The following CHCHD6 variants were observed in gnomAD, a reference collection of about 807,000 sequenced individuals.
The protein encoded by CHCHD6 is MICOS complex subunit MIC25.
A neutral mutation model predicts 32.3 loss-of-function variants in CHCHD6; 28 were observed. The ratio of observed to expected loss-of-function variants is 0.87; its 90% confidence interval spans 0.64 to 1.19. The LOEUF is 1.19. Ranked by LOEUF, CHCHD6 falls within the 50% of genes most tolerant of loss-of-function variation. The pLI is 0.00. For synonymous variants in CHCHD6, 122 were observed against 117.5 expected (o/e 1.04, Z -0.25); for missense variants, 333 against 307.0 (o/e 1.08, Z -0.63).
chr3:126,847,222 G>A (rs148099370), intron 4 of CHCHD6, among the ~76,000 whole-genome samples: 18 of 152,224 alleles, frequency 1.2e-4, no homozygotes, highest in Non-Finnish European at 1.9e-4. Flanking sequence ...GGTATCTGCC[G>A]GGGCTGCTAT....
At chr3:126,902,275 C>T (rs532301441) in intron 5 of CHCHD6, among the ~76,000 whole-genome samples, 3 of 152,264 alleles carry the variant, frequency 2.0e-5, no homozygotes, top group Admixed American at 1.3e-4. Context: ...TGCCAGTGCA[C>T]GGCCAGGGTT....
rs879686310 is a variant in CHCHD6, at chr3:126,881,445, C to A, written c.495+28715C>A. Among the ~76,000 whole-genome samples the A allele has an allele frequency of 2.0e-5, 3 of 152,334 alleles. No homozygotes were observed. In the East Asian group the frequency reaches 5.8e-4, roughly 29 times the overall value. ...CTCCTGGCTACTCGCCCCAAGCCCC[C>A]CATTGAGCAGGGCCCTATGTGTGTT... On this transcript the variant is annotated intron_variant, in intron 5 of 7. Coordinates refer to ENST00000290913, the MANE Select transcript of CHCHD6 (RefSeq NM_032343.3).
At chr3:126,759,758 T>A (rs1553730138) in intron 4 of CHCHD6, among the ~76,000 whole-genome samples, 1 of 152,136 alleles carries the variant, frequency 6.6e-6, no homozygotes, top group Non-Finnish European at 1.5e-5. Flanking sequence ...TTGGTTAAGG[T>A]GGTTTATACC....
chr3:126,816,017 C>A (rs763877424), intron 4 of CHCHD6, among the ~76,000 whole-genome samples: 3 of 152,142 alleles, frequency 2.0e-5, no homozygotes, highest in African/African-American at 7.2e-5. Flanking sequence ...CTATTGACAT[C>A]CATTCAGATG....
intron 4 of CHCHD6, among the ~76,000 whole-genome samples, chr3:126,781,080 C>T (rs191289864): frequency 6.6e-6 from 1 of 152,294 alleles, no homozygotes; most frequent in African/African-American, 2.4e-5. Context: ...CATGGTTTCA[C>T]TAGATTGGGC....
intron 4 of CHCHD6, among the ~76,000 whole-genome samples, chr3:126,836,098 A>G (rs111950391): frequency 0.011 from 1,629 of 152,326 alleles, 32 homozygotes; most frequent in African/African-American, 0.035. Context: ...TCATATCGCT[A>G]TCTTGCTCAG....
intron 4 of CHCHD6, among the ~76,000 whole-genome samples, chr3:126,805,654 C>T (rs1323770956): frequency 6.6e-6 from 1 of 152,132 alleles, no homozygotes; most frequent in Non-Finnish European, 1.5e-5. Flanking sequence ...TCAATGCCCT[C>T]CCCATCAAGC....
intron 6 of CHCHD6, among the ~76,000 whole-genome samples, chr3:126,951,879 A>G (rs2078720262): frequency 2.6e-5 from 4 of 152,334 alleles, no homozygotes; most frequent in African/African-American, 9.6e-5. Flanking sequence ...GTACAGTCTA[A>G]CTAGGCCTGA....
intron 4 of CHCHD6, among the ~76,000 whole-genome samples, chr3:126,792,756 A>C (rs1216046323): frequency 6.6e-6 from 1 of 152,102 alleles, no homozygotes; most frequent in Non-Finnish European, 1.5e-5. Flanking sequence ...TGTCAGATTC[A>C]ATTTTTTATG....
At chr3:126,792,248 AATATATATTCTAATATAGAAT>A (rs1476075685) in intron 4 of CHCHD6, among the ~76,000 whole-genome samples, 2 of 146,824 alleles carry the variant, frequency 1.4e-5, no homozygotes, top group Non-Finnish European at 3.0e-5. Context: ...TCTAATATAG[AATATATATTCTAATATAGAAT>A]ATATTAGAAT....
chr3:126,960,066 C>T, intron 7 of CHCHD6, 130 bp from the exon 8 acceptor site: 1 of 1,066,942 alleles, frequency 9.4e-7, no homozygotes, highest in Non-Finnish European at 1.4e-6. Flanking sequence ...TGATGGGTCT[C>T]CAGGTGAGGA....
At chr3:126,764,656 G>T (rs576558298) in intron 4 of CHCHD6, among the ~76,000 whole-genome samples, 2 of 152,132 alleles carry the variant, frequency 1.3e-5, no homozygotes, top group African/African-American at 4.8e-5. Flanking sequence ...TAGGACTTCG[G>T]GTGCTGCGTC....
chr3:126,838,653 G>A (rs1011394104), intron 4 of CHCHD6, among the ~76,000 whole-genome samples: 1 of 152,206 alleles, frequency 6.6e-6, no homozygotes, highest in Non-Finnish European at 1.5e-5. Context: ...TTCTTCTTCA[G>A]ACTCATAGTA....
intron 5 of CHCHD6, among the ~76,000 whole-genome samples, chr3:126,873,293 G>A (rs545105321): frequency 6.6e-6 from 1 of 152,340 alleles, no homozygotes; most frequent in South Asian, 2.1e-4. Context: ...AGTGCAGTGA[G>A]TAGAAGGTTT....
intron 5 of CHCHD6, among the ~76,000 whole-genome samples, chr3:126,900,627 G>A (rs1467583417): frequency 3.7e-5 from 5 of 134,806 alleles, no homozygotes; most frequent in Non-Finnish European, 6.3e-5. Context: ...TTTTTGAGGC[G>A]GAGTTTCGCT....
chr3:126,809,237 G>A (rs1297475903), intron 4 of CHCHD6, among the ~76,000 whole-genome samples: 1 of 152,204 alleles, frequency 6.6e-6, no homozygotes, highest in Non-Finnish European at 1.5e-5. Flanking sequence ...GCCTCCCAAA[G>A]TGCTAGCAGG....
chr3:126,805,384 A>G (rs1169204577), intron 4 of CHCHD6, among the ~76,000 whole-genome samples: 1 of 152,102 alleles, frequency 6.6e-6, no homozygotes, highest in Non-Finnish European at 1.5e-5. Flanking sequence ...TGCAAAAGTC[A>G]CAAGCATTCT....
At chr3:126,848,166 G>A (rs74889616) in intron 4 of CHCHD6, among the ~76,000 whole-genome samples, 3,056 of 152,154 alleles carry the variant, frequency 0.02, 91 homozygotes, top group East Asian at 0.14. Flanking sequence ...TGTGAAGATG[G>A]AGTCTTGCTT....
chr3:126,782,021 C>A (rs1298743481), intron 4 of CHCHD6, among the ~76,000 whole-genome samples: 1 of 151,794 alleles, frequency 6.6e-6, no homozygotes. Flanking sequence ...GAGGAGTTGG[C>A]GGGTGGGGAG....
Sources: allele counts gnomAD v4.1 joint callset (sites outside exome capture counted in the v4.1 genomes callset), GRCh38; gene constraint gnomAD v4.1.1; transcripts MANE v1.5; gene names NCBI Gene and HGNC (gene_info 2026-07-23, HGNC 2026-07-21).